Variants in PARN observed in about 807,000 individuals in gnomAD.
PARN encodes the protein poly(A)-specific ribonuclease PARN.
A neutral mutation model predicts 102.8 loss-of-function variants in PARN; 71 were observed. The ratio of observed to expected loss-of-function variants is 0.69; its 90% CI spans 0.57 to 0.84. The LOEUF is 0.84. Among genes scored for constraint, PARN ranks in the 40% least tolerant of loss-of-function variants. The probability of loss-of-function intolerance (pLI) is 0.00; values close to 1 mark genes in which losing one functional copy is unlikely to be tolerated. For synonymous variants in PARN, 261 were observed against 252.9 expected, an observed-to-expected ratio of 1.03 and a Z score of -0.30; for missense variants, 782 against 760.9, an observed-to-expected ratio of 1.03 and a Z score of -0.33.
intron 23 of PARN, among the ~76,000 whole-genome samples, chr16:14,440,219 T>C (rs1413348238): frequency 6.6e-6 from 1 of 151,954 alleles, no homozygotes; most frequent in East Asian, 1.9e-4. Flanking sequence ...AAATAAGAAA[T>C]CTGGATGGCA....
At chr16:14,575,572 T>C (rs1969076369) in intron 18 of PARN, among the ~76,000 whole-genome samples, 1 of 152,202 alleles carries the variant, frequency 6.6e-6, no homozygotes, top group Admixed American at 6.5e-5. Flanking sequence ...TATTTATCCA[T>C]AGCCTGTACC....
Position 14,550,734 on chromosome 16 carries a change from GT to G in PARN, c.1480+1286del, listed in dbSNP as rs1967245125. Reference sequence around the variant, plus strand: ...TTTTACTGTGCGGCATTTTGTTAAAGTAAAAAACAAACACATCACTTAAAAA... The same window carrying G: ...TTTTACTGTGCGGCATTTTGTTAAAGAAAAAACAAACACATCACTTAAAAA... On this transcript the variant is annotated intron_variant, in intron 21 of 23. Coordinates refer to ENST00000437198, the MANE Select transcript of PARN (RefSeq NM_002582.4). Among the ~76,000 whole-genome samples the G allele has an allele frequency of 3.3e-5, 5 of 152,190 alleles. No homozygotes were observed. The South Asian group carries it at 1.0e-3, about 32-fold the overall frequency.
chr16:14,518,508 T>C (rs1290274194), intron 21 of PARN, among the ~76,000 whole-genome samples: 1 of 151,934 alleles, frequency 6.6e-6, no homozygotes, highest in Non-Finnish European at 1.5e-5. Context: ...GTCGTACTAC[T>C]ATGCAGTAAT....
intron 18 of PARN, among the ~76,000 whole-genome samples, chr16:14,577,623 G>T (rs981851525): frequency 6.6e-6 from 1 of 151,866 alleles, no homozygotes; most frequent in Non-Finnish European, 1.5e-5. Context: ...CATGAGCCAC[G>T]GCACCTGGTC....
At chr16:14,554,641 G>A (rs1016222758) in intron 19 of PARN, among the ~76,000 whole-genome samples, 3 of 150,882 alleles carry the variant, frequency 2.0e-5, no homozygotes, top group African/African-American at 4.9e-5. Context: ...TGGGGGTCTC[G>A]CTATGCTGCC....
At chr16:14,466,688 CATCT>C (rs1178114029) in intron 22 of PARN, among the ~76,000 whole-genome samples, 2 of 152,226 alleles carry the variant, frequency 1.3e-5, no homozygotes, top group East Asian at 3.8e-4. Context: ...CACCTCCATC[CATCT>C]GAGTTACTGT....
intron 21 of PARN, among the ~76,000 whole-genome samples, chr16:14,532,286 C>T (rs904590167): frequency 1.1e-4 from 16 of 149,364 alleles, no homozygotes; most frequent in African/African-American, 3.7e-4. Context: ...AACAAGTGAA[C>T]GAAGTTCTCT....
chr16:14,585,035 G>A (rs1969757395), intron 14 of PARN, among the ~76,000 whole-genome samples: 1 of 152,154 alleles, frequency 6.6e-6, no homozygotes, highest in African/African-American at 2.4e-5. Context: ...CGACTTCATT[G>A]AGCAACTGCA....
intron 22 of PARN, among the ~76,000 whole-genome samples, chr16:14,477,426 C>T (rs572965727): frequency 1.4e-5 from 2 of 143,908 alleles, no homozygotes; most frequent in South Asian, 2.2e-4. Context: ...GGCAACAGAG[C>T]GAGAGTTCGT....
intron 19 of PARN, 59 bp from the exon 20 acceptor site, chr16:14,554,210 G>C: frequency 8.6e-7 from 1 of 1,163,238 alleles, no homozygotes. Flanking sequence ...GTAAACCAGT[G>C]ACTCTTTGAT....
At chr16:14,496,809 T>C (rs1964339967) in intron 21 of PARN, among the ~76,000 whole-genome samples, 1 of 152,238 alleles carries the variant, frequency 6.6e-6, no homozygotes, top group Non-Finnish European at 1.5e-5. Context: ...GGGAGGTTAC[T>C]AAGCACCAGG....
At chr16:14,520,987 G>A (rs1030990853) in intron 21 of PARN, among the ~76,000 whole-genome samples, 5 of 152,132 alleles carry the variant, frequency 3.3e-5, no homozygotes, top group Non-Finnish European at 5.9e-5. Context: ...GGAGGAGACT[G>A]GCCACTGCCA....
At chr16:14,539,328 C>T (rs1466543452) in intron 21 of PARN, among the ~76,000 whole-genome samples, 2 of 152,204 alleles carry the variant, frequency 1.3e-5, no homozygotes, top group Non-Finnish European at 2.9e-5. Flanking sequence ...TTCTAACTGC[C>T]ACAGGACACA....
In PARN at chr16:14,611,057, G is replaced by T. The variant is rs191655750; in HGVS notation, c.389-248C>A. Among the ~76,000 whole-genome samples, 583 of 152,350 alleles carry T rather than the reference G, an allele frequency of 3.8e-3. 2 individuals carry two copies. The highest frequency in any genetic ancestry group is 6.2e-3 in the Non-Finnish European group (423 of 68,042). On this transcript the variant is annotated intron_variant, in intron 6 of 23. Coordinates refer to ENST00000437198, the MANE Select transcript of PARN (RefSeq NM_002582.4). ...AGCATTATATTAGGCACTGGGGAAT[G>T]AACAGTGACAAGCTGATGCATCCTG...
intron 5 of PARN, among the ~76,000 whole-genome samples, chr16:14,622,174 C>T (rs890599991): frequency 1.7e-4 from 26 of 152,140 alleles, no homozygotes; most frequent in Non-Finnish European, 3.5e-4. Context: ...GCCTGGGTGA[C>T]AGAGTGAGAC....
chr16:14,532,174 ATTTT>A (rs35785901), intron 21 of PARN, among the ~76,000 whole-genome samples: 3 of 138,280 alleles, frequency 2.2e-5, no homozygotes, highest in African/African-American at 5.3e-5. Context: ...TCAAACTCTG[ATTTT>A]TTTTTTTTTT....
chr16:14,626,736 C>G (rs1273938207), intron 5 of PARN, among the ~76,000 whole-genome samples: 2 of 151,850 alleles, frequency 1.3e-5, no homozygotes, highest in Admixed American at 6.6e-5. Context: ...CTCAGCCTCC[C>G]TAAGTAGCTG....
chr16:14,525,010 A>G (rs1965922603), intron 21 of PARN, among the ~76,000 whole-genome samples: 1 of 152,226 alleles, frequency 6.6e-6, no homozygotes, highest in African/African-American at 2.4e-5. Flanking sequence ...ACAGATTTTA[A>G]AACAGTCTAT....
chr16:14,455,718 C>T (rs1961649847), intron 22 of PARN, among the ~76,000 whole-genome samples: 1 of 152,032 alleles, frequency 6.6e-6, no homozygotes, highest in African/African-American at 2.4e-5. Context: ...TAATAGCAGG[C>T]AGGGCCATAA....
Sources: gnomAD v4.1 joint callset for allele counts (sites outside exome capture counted in the v4.1 genomes callset) on GRCh38, gnomAD v4.1.1 for gene constraint, MANE v1.5 for transcripts, NCBI Gene and HGNC (gene_info 2026-07-23, HGNC 2026-07-21) for gene names.